The following GLRA3 variants were observed in gnomAD, a reference collection of about 807,000 sequenced individuals.
The protein encoded by GLRA3 is glycine receptor subunit alpha-3.
GLRA3 carries 44 observed loss-of-function variants against 60.4 expected under a neutral mutation model. The observed-to-expected ratio is 0.73, with a 90% confidence interval of 0.57 to 0.94. The LOEUF (loss-of-function observed/expected upper bound fraction) is 0.94, where lower values mean the gene tolerates loss of function less well. Ranked by LOEUF, GLRA3 falls within the 40% of genes least tolerant of loss-of-function variation. GLRA3 has a pLI of 0.00. For synonymous variants in GLRA3, 223 were observed against 192.9 expected (o/e 1.16, Z -1.29); for missense variants, 508 against 564.6 (o/e 0.90, Z 1.02).
chr4:174,657,566 G>A (rs776959066), intron 8 of GLRA3, among the ~76,000 whole-genome samples: 1 of 152,098 alleles, frequency 6.6e-6, no homozygotes, highest in East Asian at 1.9e-4. Context: ...AGACCAGAGT[G>A]TCATCCCTGT....
chr4:174,663,462 G>A (rs1173067805), intron 7 of GLRA3, among the ~76,000 whole-genome samples: 2 of 152,126 alleles, frequency 1.3e-5, no homozygotes, highest in Admixed American at 6.6e-5. Context: ...ATGAACCACA[G>A]AAATTACATC....
chr4:174,643,011 T>G lies in GLRA3; in HGVS notation c.*775A>C, dbSNP rs1732670257. 1 of 925,120 alleles carries G rather than the reference T, an allele frequency of 1.1e-6. No individual in the cohort carries two copies. The highest frequency in any genetic ancestry group is 1.8e-5 in the African/African-American group (1 of 55,414). The allele number at this position is 925,120 out of a possible 1,614,324, so 57.3% of individuals were successfully genotyped here. A position where few individuals can be genotyped will look rare whatever the true frequency, so the allele number is the denominator to read the frequency against. On this transcript the variant is annotated 3_prime_UTR_variant, in exon 10 of 10. Transcript: ENST00000274093. ...ACAAAAACAAGGGTGCTGGCTTGAA[T>G]TGTTCAATGTTTGGCAATAACTAAA...
chr4:174,687,162 C>A (rs1162079076), intron 5 of GLRA3, among the ~76,000 whole-genome samples: 7 of 152,158 alleles, frequency 4.6e-5, no homozygotes, highest in African/African-American at 1.2e-4. Flanking sequence ...CTAGGAGTTA[C>A]TGTATTTTTA....
At chr4:174,707,521 CG>C (rs1327036660) in intron 5 of GLRA3, among the ~76,000 whole-genome samples, 1 of 151,440 alleles carries the variant, frequency 6.6e-6, no homozygotes. Flanking sequence ...GGCACTGTCA[CG>C]GGGGGGAAGC....
intron 5 of GLRA3, among the ~76,000 whole-genome samples, chr4:174,692,978 G>A (rs1475280780): frequency 6.6e-6 from 1 of 151,226 alleles, no homozygotes; most frequent in African/African-American, 2.4e-5. Flanking sequence ...GTCTGTTTAT[G>A]TCATTTGCCC....
intron 6 of GLRA3, among the ~76,000 whole-genome samples, chr4:174,679,068 A>G (rs181859978): frequency 1.2e-4 from 18 of 152,304 alleles, no homozygotes; most frequent in Admixed American, 1.1e-3. Flanking sequence ...CAAAACCACA[A>G]TAAGTGCAAT....
intron 1 of GLRA3, among the ~76,000 whole-genome samples, chr4:174,792,500 G>A (rs1371113217): frequency 6.6e-6 from 1 of 152,070 alleles, no homozygotes; most frequent in African/African-American, 2.4e-5. Flanking sequence ...TGGCAGGTAG[G>A]ACTTCAACAT....
chr4:174,782,101 T>G (rs1206771056), intron 2 of GLRA3, among the ~76,000 whole-genome samples: 15 of 147,030 alleles, frequency 1.0e-4, no homozygotes, highest in South Asian at 2.3e-4. Context: ...CAGCAGCACA[T>G]CAAAAAGCTT....
At chr4:174,782,572 T>C (rs1170925904) in intron 2 of GLRA3, among the ~76,000 whole-genome samples, 2 of 152,122 alleles carry the variant, frequency 1.3e-5, no homozygotes, top group Admixed American at 6.5e-5. Context: ...GAAAACCCCA[T>C]TGTCTCAGCC....
chr4:174,669,610 C>T (rs1450141342), intron 7 of GLRA3, among the ~76,000 whole-genome samples: 1 of 152,130 alleles, frequency 6.6e-6, no homozygotes, highest in Non-Finnish European at 1.5e-5. Context: ...GGGTTTTTCT[C>T]TGTCACCCAG....
intron 2 of GLRA3, among the ~76,000 whole-genome samples, chr4:174,769,254 A>T (rs562091540): frequency 6.6e-6 from 1 of 152,170 alleles, no homozygotes; most frequent in Non-Finnish European, 1.5e-5. Flanking sequence ...CTACTAACAT[A>T]AGCCTTTTTT....
intron 5 of GLRA3, among the ~76,000 whole-genome samples, chr4:174,702,918 T>C (rs1408176177): frequency 1.3e-5 from 2 of 152,188 alleles, no homozygotes; most frequent in Non-Finnish European, 2.9e-5. Context: ...GAGTTACACA[T>C]TATAATTACA....
intron 3 of GLRA3, among the ~76,000 whole-genome samples, chr4:174,750,435 A>G (rs1737423669): frequency 6.6e-6 from 1 of 152,104 alleles, no homozygotes; most frequent in Admixed American, 6.5e-5. Context: ...AAAATAAGAG[A>G]CATAGAAACG....
chr4:174,798,743 T>A (rs1307855657), intron 1 of GLRA3, among the ~76,000 whole-genome samples: 6 of 152,048 alleles, frequency 3.9e-5, no homozygotes, highest in African/African-American at 1.4e-4. Context: ...GCTAACACGG[T>A]GAAACCCCGT....
intron 5 of GLRA3, among the ~76,000 whole-genome samples, chr4:174,683,768 GTT>G (rs1254954465): frequency 6.6e-6 from 1 of 152,170 alleles, no homozygotes; most frequent in Non-Finnish European, 1.5e-5. Context: ...TCTCTCCAGA[GTT>G]GCATGTAGAT....
intron 5 of GLRA3, among the ~76,000 whole-genome samples, chr4:174,704,721 T>C (rs6553808): frequency 0.44 from 62,920 of 142,188 alleles, 19,114 homozygotes; most frequent in East Asian, 0.92. Flanking sequence ...AATGGAGAAA[T>C]AAAATATTAT....
intron 1 of GLRA3, among the ~76,000 whole-genome samples, chr4:174,798,011 T>A (rs898160635): frequency 1.3e-5 from 2 of 152,164 alleles, no homozygotes; most frequent in African/African-American, 4.8e-5. Flanking sequence ...GCTTTTATGA[T>A]GACTTTTAAT....
chr4:174,693,246 G>C (rs1734928916), intron 5 of GLRA3, among the ~76,000 whole-genome samples: 1 of 152,096 alleles, frequency 6.6e-6, no homozygotes, highest in South Asian at 2.1e-4. Flanking sequence ...TTTATGTCCA[G>C]GATTGTATTT....
chr4:174,752,063 T>A (rs972249733), intron 3 of GLRA3, among the ~76,000 whole-genome samples: 63 of 152,272 alleles, frequency 4.1e-4, no homozygotes, highest in African/African-American at 1.3e-3. Context: ...ATCATCTTAA[T>A]CTTATAGTGC....
Sources: allele counts gnomAD v4.1 joint callset (sites outside exome capture counted in the v4.1 genomes callset), GRCh38; gene constraint gnomAD v4.1.1; transcripts MANE v1.5; gene names NCBI Gene and HGNC (gene_info 2026-07-23, HGNC 2026-07-21).